The following JMY variants were observed in gnomAD, a reference collection of about 807,000 sequenced individuals.
The protein encoded by JMY is junction mediating and regulatory protein, p53 cofactor, also known as junction-mediating and -regulatory protein.
Under a neutral mutation model 103.3 loss-of-function variants are expected in JMY, and 46 were observed. The ratio of observed to expected loss-of-function variants is 0.45; its 90% CI spans 0.35 to 0.57. The LOEUF is 0.57. Among genes scored for constraint, JMY ranks in the 20% least tolerant of loss-of-function variants. The pLI is 0.00. For synonymous variants in JMY, 526 were observed against 489.3 expected (o/e 1.07, Z -0.99); for missense variants, 1,238 against 1,255.2 (o/e 0.99, Z 0.21).
At chr5:79,268,177 A>G (rs1328160751) in intron 1 of JMY, among the ~76,000 whole-genome samples, 1 of 152,176 alleles carries the variant, frequency 6.6e-6, no homozygotes, top group African/African-American at 2.4e-5. Flanking sequence ...CAGGAGTTCC[A>G]GGCTGCAGGG....
At chr5:79,278,705 T>C (rs1027097862) in intron 2 of JMY, among the ~76,000 whole-genome samples, 1 of 150,098 alleles carries the variant, frequency 6.7e-6, no homozygotes, top group African/African-American at 2.5e-5. Context: ...CAGGAGGTCA[T>C]GGCTGCAATG....
At chr5:79,268,056 C>A (rs1745634529) in intron 1 of JMY, among the ~76,000 whole-genome samples, 1 of 152,154 alleles carries the variant, frequency 6.6e-6, no homozygotes, top group South Asian at 2.1e-4. Context: ...TGAGCCTGAG[C>A]AACACAGTGA....
chr5:79,245,876 C>G (rs1261370701), intron 1 of JMY, among the ~76,000 whole-genome samples: 1 of 152,190 alleles, frequency 6.6e-6, no homozygotes, highest in African/African-American at 2.4e-5. Flanking sequence ...CCATCTGCCT[C>G]AGCCTCCCAA....
rs1424923836 is a variant in JMY, at chr5:79,327,079, AGAGTT to A, written c.*5478_*5482del. On this transcript the variant is annotated 3_prime_UTR_variant, in exon 11 of 11. Coordinates refer to ENST00000396137, the MANE Select transcript of JMY (RefSeq NM_152405.5). ...TCATGTTTTTTACACTCATGACTTC[AGAGTT>A]AAGTACTTGTACACCAAGTATTGCA... 1 of 152,188 alleles carries A rather than the reference AGAGTT, an allele frequency of 6.6e-6. No individual in the cohort carries two copies. The highest frequency in any genetic ancestry group is 1.9e-4 in the East Asian group (1 of 5,202). 9.4% of individuals were successfully genotyped at this position (152,188 alleles called of 1,614,324 possible). A position where few individuals can be genotyped will look rare whatever the true frequency, so the allele number is the denominator to read the frequency against.
chr5:79,261,327 T>C (rs1745415605), intron 1 of JMY, among the ~76,000 whole-genome samples: 1 of 152,138 alleles, frequency 6.6e-6, no homozygotes, highest in South Asian at 2.1e-4. Flanking sequence ...TATCTGATTG[T>C]TCTCCTGCCC....
intron 1 of JMY, among the ~76,000 whole-genome samples, chr5:79,255,464 A>G (rs1315349985): frequency 1.3e-5 from 2 of 152,104 alleles, no homozygotes; most frequent in Non-Finnish European, 2.9e-5. Context: ...TAGTGATGTC[A>G]TGTTTTCCTA....
chr5:79,291,870 T>C (rs943937166), intron 4 of JMY, among the ~76,000 whole-genome samples: 3 of 152,200 alleles, frequency 2.0e-5, no homozygotes, highest in African/African-American at 7.2e-5. Flanking sequence ...TACATATTTA[T>C]TAAAGTAGCA....
At position 79,237,689 on chromosome 5, in the gene JMY, G is replaced by A. The variant is rs745731667; in HGVS notation, c.1032+7G>A. 9 of 1,607,718 alleles carry A rather than the reference G, an allele frequency of 5.6e-6. No homozygotes were observed. The South Asian group carries it at 8.8e-5, about 16-fold the overall frequency. On this transcript the variant is annotated splice_region_variant and intron_variant, in intron 1 of 10. Transcript: ENST00000396137. ...CAGGAAGCGCATCCAGGAGGTGAGTGAGTGAGCTCCTAGTCTGGGCTCTAC... is the reference window on the plus strand; with the variant it reads ...CAGGAAGCGCATCCAGGAGGTGAGTAAGTGAGCTCCTAGTCTGGGCTCTAC...
In JMY at chr5:79,291,199, G is replaced by A. The variant is rs1746410255; in HGVS notation, c.1427G>A (p.Arg476Gln). ...GKASWAAAAE[R>Q]MEKLQYAVSK... ...GCATCATGGGCAGCGGCTGCTGAAC[G>A]GATGGAAAAACTCCAGTATGCAGTT... The change falls in exon 4 of 11, where the codon CGG becomes CAG. Residue 476 changes from arginine (R) to glutamine (Q), a missense_variant. Coordinates refer to ENST00000396137, the MANE Select transcript of JMY (RefSeq NM_152405.5). The A allele has an allele frequency of 2.5e-6, 4 of 1,613,378 alleles. No homozygotes were observed. The highest frequency in any genetic ancestry group is 1.1e-5 in the South Asian group (1 of 90,848).
At chr5:79,289,107 C>T (rs2112096643) in intron 2 of JMY, among the ~76,000 whole-genome samples, 1 of 151,750 alleles carries the variant, frequency 6.6e-6, no homozygotes, top group East Asian at 1.9e-4. Flanking sequence ...TGGTGGCGGG[C>T]ATCTGTAATC....
chr5:79,282,546 A>G (rs933102887), intron 2 of JMY, among the ~76,000 whole-genome samples: 9 of 152,234 alleles, frequency 5.9e-5, no homozygotes. Context: ...ATATATGTGA[A>G]AAGAGGGACT....
Position 79,316,326 on chromosome 5 carries a change from G to T in JMY, c.*3+16G>T. The T allele has an allele frequency of 6.4e-7, 1 of 1,568,010 alleles. No homozygotes were observed. The highest frequency in any genetic ancestry group is 1.2e-5 in the South Asian group (1 of 86,156). On this transcript the variant is annotated intron_variant, in intron 10 of 10. Coordinates refer to ENST00000396137, the MANE Select transcript of JMY (RefSeq NM_152405.5). ...GAACTAACAAGTAAACGGCCTTATT[G>T]TCTTTAGTAGCATTCAGTAATACAG...
rs34558016 is a variant in JMY at position 79,316,898 on chromosome 5, T to TAAAA, written c.*3+609_*3+612dup. On this transcript the variant is annotated intron_variant, in intron 10 of 10. Coordinates refer to ENST00000396137, the MANE Select transcript of JMY (RefSeq NM_152405.5). ...TGGGCAACAGAGTGAGACTCAGTCTTAAAAAAAAAAAAAAAAAAAAAAAAG... is the reference window on the plus strand; with the variant it reads ...TGGGCAACAGAGTGAGACTCAGTCTTAAAAAAAAAAAAAAAAAAAAAAAAAAAAG... Among the ~76,000 whole-genome samples, 34 of 83,634 alleles carry TAAAA rather than the reference T, an allele frequency of 4.1e-4. 1 individual carries two copies. The highest frequency in any genetic ancestry group is 1.2e-3 in the Admixed American group (8 of 6,476). The allele number at this position is 83,634 out of a possible 152,430, so 54.9% of individuals were successfully genotyped here. A position where few individuals can be genotyped will look rare whatever the true frequency, so the allele number is the denominator to read the frequency against.
intron 1 of JMY, among the ~76,000 whole-genome samples, chr5:79,259,370 G>A (rs1410293718): frequency 2.0e-5 from 3 of 152,172 alleles, no homozygotes; most frequent in Non-Finnish European, 2.9e-5. Flanking sequence ...GAAATGGTCC[G>A]TGGGCAAACA....
At chr5:79,319,699 GC>G (rs1747386364) in intron 10 of JMY, among the ~76,000 whole-genome samples, 1 of 151,990 alleles carries the variant, frequency 6.6e-6, no homozygotes, top group Non-Finnish European at 1.5e-5. Flanking sequence ...TCCTGCCTCA[GC>G]CTCCGGAGTA....
At chr5:79,283,144 C>T (rs949986677) in intron 2 of JMY, among the ~76,000 whole-genome samples, 2 of 151,926 alleles carry the variant, frequency 1.3e-5, no homozygotes, top group African/African-American at 4.8e-5. Flanking sequence ...AGGCATGTGC[C>T]GCAATGCCTG....
intron 2 of JMY, among the ~76,000 whole-genome samples, chr5:79,279,821 T>C (rs1746056205): frequency 6.6e-6 from 1 of 152,186 alleles, no homozygotes; most frequent in South Asian, 2.1e-4. Context: ...TTTTTAGATG[T>C]TGGAAATTCC....
chr5:79,241,164 C>CT (rs1470543018), intron 1 of JMY, among the ~76,000 whole-genome samples: 1 of 151,792 alleles, frequency 6.6e-6, no homozygotes, highest in Non-Finnish European at 1.5e-5. Context: ...AGTTGTTGAA[C>CT]TTTTTTTTGT....
At chr5:79,283,010 T>A (rs1457529620) in intron 2 of JMY, among the ~76,000 whole-genome samples, 1 of 149,998 alleles carries the variant, frequency 6.7e-6, no homozygotes, top group Non-Finnish European at 1.5e-5. Context: ...ATTATTATTA[T>A]TTTGAGACGG....
Sources: gnomAD v4.1 joint callset for allele counts (sites outside exome capture counted in the v4.1 genomes callset) on GRCh38, gnomAD v4.1.1 for gene constraint, MANE v1.5 for transcripts, NCBI Gene and HGNC (gene_info 2026-07-23, HGNC 2026-07-21) for gene names.